GUCY2C: variants seen among roughly 807,000 people sequenced by gnomAD.
GUCY2C encodes the protein guanylyl cyclase C.
In GUCY2C, 118 loss-of-function variants were observed where a neutral mutation model predicts 131.1. The observed-to-expected ratio is 0.90, with a 90% CI of 0.78 to 1.05. The LOEUF (loss-of-function observed/expected upper bound fraction) is 1.05. Among genes scored for constraint, GUCY2C ranks in the 50% least tolerant of loss-of-function variants. The pLI is 0.00. For missense variants in GUCY2C, 1,161 were observed against 1,304.4 expected, an observed-to-expected ratio of 0.89 and a Z score of 1.69; for synonymous variants, 452 against 457.8, an observed-to-expected ratio of 0.99 and a Z score of 0.16.
In GUCY2C at chr12:14,669,724, C is replaced by T. The variant is rs142517628; in HGVS notation, c.1280G>A (p.Arg427Gln). ...NSKLPNDITGRGPQILMIAVF... is the reference protein window; with the variant it reads ...NSKLPNDITGQGPQILMIAVF... ...AAAATTCATTAGGGATATCTTACCC[C>T]GGCCTGTAATATCATTAGGAAGTTT... Residue 427 changes from arginine (R) to glutamine (Q), a missense_variant and splice_region_variant, in exon 10 of 27, where the codon CGG becomes CAG. Transcript: ENST00000261170. 37 of 1,485,060 alleles carry T rather than the reference C, an allele frequency of 2.5e-5. No individual in the cohort carries two copies. The highest frequency in any genetic ancestry group is 4.2e-5 in the African/African-American group (3 of 71,908). The allele number at this position is 1,485,060 out of a possible 1,614,324, so 92.0% of individuals were successfully genotyped here.
At chr12:14,630,330 A>C (rs60129745) in intron 19 of GUCY2C, among the ~76,000 whole-genome samples, 256 of 152,120 alleles carry the variant, frequency 1.7e-3, no homozygotes, top group African/African-American at 5.7e-3. Flanking sequence ...ACTACCTTAG[A>C]GCAGAATAGG....
intron 15 of GUCY2C, among the ~76,000 whole-genome samples, chr12:14,650,526 G>A (rs1238789858): frequency 5.3e-5 from 8 of 152,188 alleles, no homozygotes; most frequent in South Asian, 2.1e-4. Flanking sequence ...CATTACAGGC[G>A]TGAGCCACCG....
intron 22 of GUCY2C, 48 bp downstream of exon 22, chr12:14,621,957 C>A: frequency 7.4e-7 from 1 of 1,345,550 alleles, no homozygotes; most frequent in Non-Finnish European, 1.0e-6. Context: ...CTCTGATGAC[C>A]TTGAGTTGTA....
intron 15 of GUCY2C, among the ~76,000 whole-genome samples, chr12:14,649,923 T>G (rs934743552): frequency 6.6e-6 from 1 of 152,170 alleles, no homozygotes; most frequent in East Asian, 1.9e-4. Flanking sequence ...TGAAACAGAT[T>G]TCATGATTAT....
chr12:14,618,047 T>C (rs144603261), intron 24 of GUCY2C, among the ~76,000 whole-genome samples: 12 of 152,334 alleles, frequency 7.9e-5, no homozygotes, highest in African/African-American at 1.4e-4. Context: ...GCCCCAGCCA[T>C]GTCTCCCAGT....
At position 14,618,172 on chromosome 12, in the gene GUCY2C, T is replaced by C. The variant is rs11056065; in HGVS notation, c.2875+1039A>G. Among the ~76,000 whole-genome samples the C allele has an allele frequency of 3.6e-3, 551 of 152,342 alleles. 2 individuals carry two copies. The highest frequency in any genetic ancestry group is 0.012 in the African/African-American group (509 of 41,584). On this transcript the variant is annotated intron_variant, in intron 24 of 26. Transcript: ENST00000261170. ...ACCTTGCCAAGCAAATGCAATATAT[T>C]CCTTCGTATATAACAAATGCTTAGA...
In GUCY2C at chr12:14,674,445, G is replaced by C. The variant is rs545190696; in HGVS notation, c.1084+180C>G. 5.8e-6 allele frequency: 4 copies of C among 691,640 alleles called. No homozygotes were observed. In the East Asian group the frequency reaches 1.1e-4, roughly 19 times the overall value. 42.8% of individuals were successfully genotyped at this position (691,640 alleles called of 1,614,324 possible). Reference sequence around the variant, plus strand: ...ATTCTAAAAGACTGAAACATAAACCGGAGTTCAGTTATCAATAACAGCACC... The same window carrying C: ...ATTCTAAAAGACTGAAACATAAACCCGAGTTCAGTTATCAATAACAGCACC... On this transcript the variant is annotated intron_variant, in intron 8 of 26. Transcript: ENST00000261170.
At chr12:14,656,645 G>C in intron 11 of GUCY2C, 28 bp from the exon 12 acceptor site, 1 of 1,092,686 alleles carries the variant, frequency 9.2e-7, no homozygotes, top group Non-Finnish European at 1.4e-6. Flanking sequence ...CTGGTCAATA[G>C]GTTTTTATTA....
At chr12:14,634,473 A>C (rs1947218664) in intron 19 of GUCY2C, among the ~76,000 whole-genome samples, 1 of 152,216 alleles carries the variant, frequency 6.6e-6, no homozygotes, top group East Asian at 1.9e-4. Context: ...GCAATCACAC[A>C]AAGAGGGAAG....
chr12:14,692,837 G>A (rs1019310209), intron 1 of GUCY2C, among the ~76,000 whole-genome samples: 5 of 152,066 alleles, frequency 3.3e-5, no homozygotes, highest in African/African-American at 7.2e-5. Flanking sequence ...CAACAAGAAC[G>A]ATACTCTGTC....
intron 6 of GUCY2C, among the ~76,000 whole-genome samples, chr12:14,677,843 G>A (rs1258420839): frequency 2.0e-5 from 3 of 151,256 alleles, no homozygotes; most frequent in Non-Finnish European, 4.4e-5. Flanking sequence ...GCCTCCCAAA[G>A]TGCTGGGATT....
chr12:14,688,195 T>C, intron 1 of GUCY2C, 132 bp from the exon 2 acceptor site: 1 of 626,282 alleles, frequency 1.6e-6, no homozygotes, highest in South Asian at 1.9e-5. Flanking sequence ...CCTGAGCCCT[T>C]GTTTTACTCC....
At chr12:14,650,856 T>C (rs985781315) in intron 15 of GUCY2C, among the ~76,000 whole-genome samples, 1 of 152,220 alleles carries the variant, frequency 6.6e-6, no homozygotes, top group African/African-American at 2.4e-5. Context: ...TATAGGGCTA[T>C]GTTTTTTTCT....
chr12:14,665,156 C>T (rs1178831466), intron 10 of GUCY2C, among the ~76,000 whole-genome samples: 1 of 147,674 alleles, frequency 6.8e-6, no homozygotes, highest in Non-Finnish European at 1.5e-5. Context: ...GCGGAAGTTG[C>T]AGTGAGCCGA....
chr12:14,652,879 G>A, intron 13 of GUCY2C, 73 bp downstream of exon 13: 1 of 947,994 alleles, frequency 1.1e-6, no homozygotes. Flanking sequence ...TGACATCAGG[G>A]GCCAGGGCAA....
rs531423972 is a variant in GUCY2C at position 14,689,968 on chromosome 12, G to T, written c.218-1905C>A. ...TTATCATCTATTTTTCCTAAAGAAG[G>T]TGCTGCAGAATTCTGTTTTCTTTCT... On this transcript the variant is annotated intron_variant, in intron 1 of 26. Coordinates refer to ENST00000261170, the MANE Select transcript of GUCY2C (RefSeq NM_004963.4). Among the ~76,000 whole-genome samples, 49 of 152,318 alleles carry T rather than the reference G, an allele frequency of 3.2e-4. No homozygotes were observed. In the Middle Eastern group the frequency reaches 0.01, roughly 32 times the overall value.
At chr12:14,627,073 A>C (rs1947034731) in intron 20 of GUCY2C, among the ~76,000 whole-genome samples, 1 of 152,174 alleles carries the variant, frequency 6.6e-6, no homozygotes, top group Admixed American at 6.5e-5. Context: ...TGACACTGGG[A>C]GGTATGACAA....
intron 10 of GUCY2C, among the ~76,000 whole-genome samples, chr12:14,666,459 G>T (rs368370880): frequency 3.0e-4 from 45 of 152,340 alleles, no homozygotes; most frequent in African/African-American, 1.1e-3. Context: ...GCCTGGCTGG[G>T]CGCCGTGGCT....
rs137926581 is a variant in GUCY2C at position 14,663,423 on chromosome 12, A to C, written c.1283-2361T>G. On this transcript the variant is annotated intron_variant, in intron 10 of 26. Coordinates refer to ENST00000261170, the MANE Select transcript of GUCY2C (RefSeq NM_004963.4). ...CAGCCTCCCAAGTATCTGGGATTAC[A>C]GGCGCACGCCACCATGTCCAGCTAA... Among the ~76,000 whole-genome samples, 70 of 152,310 alleles carry C rather than the reference A, an allele frequency of 4.6e-4. No individual in the cohort carries two copies. The East Asian group carries it at 0.013, about 28-fold the overall frequency.
Sources: allele counts gnomAD v4.1 joint callset (sites outside exome capture counted in the v4.1 genomes callset), GRCh38; gene constraint gnomAD v4.1.1; transcripts MANE v1.5; gene names NCBI Gene and HGNC (gene_info 2026-07-23, HGNC 2026-07-21).